GABRA1: variants seen among roughly 807,000 people sequenced by gnomAD.
GABRA1 encodes the protein gamma-aminobutyric acid type A receptor subunit alpha1.
GABRA1 carries 9 observed loss-of-function variants against 48.9 expected under a neutral mutation model. The ratio of observed to expected loss-of-function variants is 0.18; its 90% CI spans 0.11 to 0.32. The LOEUF is 0.32. Among genes scored for constraint, GABRA1 ranks in the 10% least tolerant of loss-of-function variants. The pLI is 1.00. For synonymous variants in GABRA1, 210 were observed against 198.7 expected (o/e 1.06, Z -0.48); for missense variants, 285 against 553.8 (o/e 0.51, Z 4.87).
At chr5:161,871,898 G>A (rs1284736694) in intron 4 of GABRA1, among the ~76,000 whole-genome samples, 1 of 152,122 alleles carries the variant, frequency 6.6e-6, no homozygotes, top group African/African-American at 2.4e-5. Context: ...ATCAGTAAGG[G>A]CTCAGTAATG....
rs11352367 is a variant in GABRA1 at position 161,886,348 on chromosome 5, G to GT, written c.703+3659dup. Reference sequence around the variant, plus strand: ...TTTGACAAGTGTTTTAATTTTTATGGTTTTTTTTTTTTGTATGTATCTTTT... The same window carrying GT: ...TTTGACAAGTGTTTTAATTTTTATGGTTTTTTTTTTTTTGTATGTATCTTTT... On this transcript the variant is annotated intron_variant, in intron 7 of 9. Coordinates refer to ENST00000393943, the MANE Select transcript of GABRA1 (RefSeq NM_001127644.2). Among the ~76,000 whole-genome samples the GT allele has an allele frequency of 2.1e-3, 315 of 147,192 alleles. 3 individuals are homozygous for GT. Among genetic ancestry groups the GT allele is most frequent in the East Asian group, 5.9e-3 (30 of 5,072 alleles).
intron 4 of GABRA1, among the ~76,000 whole-genome samples, chr5:161,866,432 C>G (rs535922586): frequency 1.3e-5 from 2 of 151,988 alleles, no homozygotes; most frequent in African/African-American, 4.8e-5. Flanking sequence ...ATATAATATT[C>G]CTGAACTAAT....
At chr5:161,887,171 G>A (rs1754885914) in intron 7 of GABRA1, among the ~76,000 whole-genome samples, 1 of 152,126 alleles carries the variant, frequency 6.6e-6, no homozygotes, top group Non-Finnish European at 1.5e-5. Context: ...TGGTGAAAAA[G>A]AAAGTTTCTT....
rs148483038 is a variant in GABRA1 at position 161,871,421 on chromosome 5, C to G, written c.256-1696C>G. ...AGACCTGAGTAACAGAAAATTTCGTCACATATTATATCCCTACCTCACAAG... is the reference window on the plus strand; with the variant it reads ...AGACCTGAGTAACAGAAAATTTCGTGACATATTATATCCCTACCTCACAAG... On this transcript the variant is annotated intron_variant, in intron 4 of 9. Transcript: ENST00000393943. Among the ~76,000 whole-genome samples, 468 of 152,226 alleles carry G rather than the reference C, an allele frequency of 3.1e-3. 1 individual carries two copies. Among genetic ancestry groups the G allele is most frequent in the Admixed American group, 5.1e-3 (78 of 15,278 alleles).
intron 3 of GABRA1, among the ~76,000 whole-genome samples, chr5:161,864,144 A>C (rs1480804472): frequency 6.6e-6 from 1 of 151,994 alleles, no homozygotes; most frequent in Admixed American, 6.6e-5. Flanking sequence ...AAAAGGGTAA[A>C]CTGCAGATAA....
intron 3 of GABRA1, among the ~76,000 whole-genome samples, chr5:161,862,284 C>T (rs764550675): frequency 1.3e-5 from 2 of 151,850 alleles, no homozygotes; most frequent in Non-Finnish European, 2.9e-5. Flanking sequence ...AGATTGTCAT[C>T]TTGTGCCATG....
intron 4 of GABRA1, among the ~76,000 whole-genome samples, chr5:161,871,118 G>A (rs1488005914): frequency 6.6e-6 from 1 of 152,068 alleles, no homozygotes; most frequent in Non-Finnish European, 1.5e-5. Context: ...ATGTTGGCAA[G>A]TCTTGACATA....
intron 8 of GABRA1, among the ~76,000 whole-genome samples, chr5:161,893,461 A>C (rs1369990107): frequency 2.0e-5 from 3 of 151,812 alleles, no homozygotes; most frequent in African/African-American, 7.3e-5. Flanking sequence ...TTTTTTTCTG[A>C]GCTCTGTGAG....
intron 3 of GABRA1, among the ~76,000 whole-genome samples, chr5:161,856,799 A>G (rs1757663902): frequency 6.6e-6 from 1 of 151,330 alleles, no homozygotes; most frequent in East Asian, 1.9e-4. Context: ...CTGTCATTAG[A>G]GAACTATAGT....
At chr5:161,862,286 T>A (rs75355173) in intron 3 of GABRA1, among the ~76,000 whole-genome samples, 11,231 of 151,926 alleles carry the variant, frequency 0.074, 470 homozygotes, top group Middle Eastern at 0.12. Context: ...ATTGTCATCT[T>A]GTGCCATGAT....
chr5:161,866,334 A>G (rs1191393983), intron 4 of GABRA1, among the ~76,000 whole-genome samples: 1 of 152,134 alleles, frequency 6.6e-6, no homozygotes, highest in Non-Finnish European at 1.5e-5. Flanking sequence ...AATACAATGA[A>G]TCTATACCTG....
intron 8 of GABRA1, among the ~76,000 whole-genome samples, chr5:161,893,074 T>G (rs1755193526): frequency 6.7e-6 from 1 of 148,904 alleles, no homozygotes. Flanking sequence ...CATATTTATG[T>G]TTTATTTTAT....
chr5:161,868,075 T>C (rs1037307249), intron 4 of GABRA1, among the ~76,000 whole-genome samples: 1 of 152,078 alleles, frequency 6.6e-6, no homozygotes, highest in African/African-American at 2.4e-5. Context: ...TTGTGGGACC[T>C]AATAAGTTAT....
chr5:161,857,532 G>A (rs1757697028), intron 3 of GABRA1, among the ~76,000 whole-genome samples: 1 of 151,544 alleles, frequency 6.6e-6, no homozygotes, highest in African/African-American at 2.4e-5. Context: ...CCTTTTCAGG[G>A]ATAAGAGCAA....
intron 6 of GABRA1, among the ~76,000 whole-genome samples, chr5:161,877,910 C>T (rs1754432876): frequency 6.6e-6 from 1 of 152,152 alleles, no homozygotes; most frequent in South Asian, 2.1e-4. Flanking sequence ...ATGTCATCTC[C>T]CAGGGCCTTC....
At chr5:161,875,417 TTTGA>T in intron 5 of GABRA1, 139 bp from the exon 6 acceptor site, 1 of 701,518 alleles carries the variant, frequency 1.4e-6, no homozygotes, top group Non-Finnish European at 2.5e-6. Context: ...TTTTAGATCA[TTTGA>T]TTATTAACAG....
At chr5:161,886,673 G>A (rs926447365) in intron 7 of GABRA1, among the ~76,000 whole-genome samples, 1 of 152,036 alleles carries the variant, frequency 6.6e-6, no homozygotes, top group Admixed American at 6.6e-5. Flanking sequence ...CCACTTGGGA[G>A]GCCAAGATGG....
At position 161,898,454 on chromosome 5, in the gene GABRA1, T is replaced by C. The variant is rs1755472698; in HGVS notation, c.*1032T>C. On this transcript the variant is annotated 3_prime_UTR_variant, in exon 10 of 10. Coordinates refer to ENST00000393943, the MANE Select transcript of GABRA1 (RefSeq NM_001127644.2). ...ATACAGCATGAGATTGTACATTTTT[T>C]ACTTTTTTAAAATTGTGTTCTTAAA... is the stretch of plus-strand genomic sequence containing the variant. 1 of 152,616 alleles carries C rather than the reference T, an allele frequency of 6.6e-6. No individual in the cohort carries two copies. The highest frequency in any genetic ancestry group is 6.5e-5 in the Admixed American group (1 of 15,278). 9.5% of individuals were successfully genotyped at this position (152,616 alleles called of 1,614,324 possible). A position where few individuals can be genotyped will look rare whatever the true frequency, so the allele number is the denominator to read the frequency against.
chr5:161,862,496 A>AT (rs553317163), intron 3 of GABRA1, among the ~76,000 whole-genome samples: 5 of 151,690 alleles, frequency 3.3e-5, no homozygotes, highest in African/African-American at 4.8e-5. Flanking sequence ...TTCAAATGAC[A>AT]TTTTTTCAGA....
Sources: gnomAD v4.1 joint callset for allele counts (sites outside exome capture counted in the v4.1 genomes callset) on GRCh38, gnomAD v4.1.1 for gene constraint, MANE v1.5 for transcripts, NCBI Gene and HGNC (gene_info 2026-07-23, HGNC 2026-07-21) for gene names.